AGMO: variants seen among roughly 807,000 people sequenced by gnomAD.
AGMO encodes glyceryl-ether monooxygenase.
A neutral mutation model predicts 60.2 loss-of-function variants in AGMO; 75 were observed. The ratio of observed to expected loss-of-function variants is 1.25; its 90% CI spans 1.03 to 1.51. The LOEUF (loss-of-function observed/expected upper bound fraction) is 1.51. Among genes scored for constraint, AGMO ranks in the 40% most tolerant of loss-of-function variants. AGMO has a pLI of 0.00. For synonymous variants in AGMO, 261 were observed against 177.1 expected (o/e 1.47, Z -3.76); for missense variants, 763 against 525.5 (o/e 1.45, Z -4.42).
chr7:15,387,626 T>C (rs1783970984), intron 8 of AGMO, 86 bp from the exon 9 acceptor site: 1 of 1,246,430 alleles, frequency 8.0e-7, no homozygotes, highest in Non-Finnish European at 1.1e-6. Context: ...ATTTTATTGT[T>C]CAAGGTAATT....
intron 12 of AGMO, 22 bp downstream of exon 12, chr7:15,365,492 G>T (rs375925676): frequency 6.5e-7 from 1 of 1,542,878 alleles, no homozygotes; most frequent in Non-Finnish European, 8.9e-7. Context: ...CCATCCTGTG[G>T]CTACCTAAAC....
chr7:15,371,083 C>T (rs1434980281), intron 10 of AGMO, among the ~76,000 whole-genome samples: 1 of 152,054 alleles, frequency 6.6e-6, no homozygotes, highest in Non-Finnish European at 1.5e-5. Flanking sequence ...TGAAACCAGA[C>T]CCCTACCTTT....
intron 12 of AGMO, among the ~76,000 whole-genome samples, chr7:15,283,132 C>T (rs1027635574): frequency 7.9e-5 from 12 of 152,098 alleles, no homozygotes; most frequent in African/African-American, 2.9e-4. Flanking sequence ...CATAATAGAA[C>T]CTCTTAAAAG....
chr7:15,557,056 A>T (rs752886845), intron 2 of AGMO, among the ~76,000 whole-genome samples: 2 of 152,012 alleles, frequency 1.3e-5, no homozygotes, highest in Non-Finnish European at 2.9e-5. Flanking sequence ...AAGAGGCAGC[A>T]TGTGTCTTTT....
chr7:15,474,135 T>G (rs750814835), intron 3 of AGMO, among the ~76,000 whole-genome samples: 2 of 152,080 alleles, frequency 1.3e-5, no homozygotes, highest in African/African-American at 2.4e-5. Context: ...CCAAAGTAAT[T>G]TACAGATTCA....
chr7:15,546,051 A>G (rs1784773943), intron 2 of AGMO, among the ~76,000 whole-genome samples: 1 of 152,124 alleles, frequency 6.6e-6, no homozygotes. Context: ...TTCCCTTCAC[A>G]GAGTCAGTTT....
At chr7:15,249,025 T>A (rs1298521131) in intron 12 of AGMO, among the ~76,000 whole-genome samples, 2 of 152,192 alleles carry the variant, frequency 1.3e-5, no homozygotes, top group East Asian at 3.8e-4. Flanking sequence ...CTTTCCAATA[T>A]TTAAAGACAC....
chr7:15,245,266 C>T (rs1211088818), intron 12 of AGMO, among the ~76,000 whole-genome samples: 2 of 152,118 alleles, frequency 1.3e-5, no homozygotes, highest in East Asian at 1.9e-4. Context: ...TTCCCAATGT[C>T]GTCATCACTA....
intron 12 of AGMO, among the ~76,000 whole-genome samples, chr7:15,314,002 T>C (rs979863335): frequency 1.3e-5 from 2 of 151,956 alleles, no homozygotes; most frequent in African/African-American, 4.8e-5. Flanking sequence ...GTTAGGCTAA[T>C]ATTGAACTTC....
intron 12 of AGMO, among the ~76,000 whole-genome samples, chr7:15,205,111 A>C (rs1054423450): frequency 6.6e-6 from 1 of 152,196 alleles, no homozygotes; most frequent in Non-Finnish European, 1.5e-5. Context: ...CAAACCCTCA[A>C]ATTACAAAGA....
At chr7:15,228,641 A>T (rs1004435876) in intron 12 of AGMO, among the ~76,000 whole-genome samples, 6 of 152,220 alleles carry the variant, frequency 3.9e-5, no homozygotes, top group African/African-American at 1.4e-4. Context: ...TAACTAAAGT[A>T]AAATAAGTAA....
At chr7:15,323,627 G>A (rs774434709) in intron 12 of AGMO, among the ~76,000 whole-genome samples, 8 of 152,088 alleles carry the variant, frequency 5.3e-5, no homozygotes, top group Non-Finnish European at 7.4e-5. Flanking sequence ...AAAATAACGC[G>A]CTGATTCTCA....
chr7:15,214,822 T>C (rs1781688655), intron 12 of AGMO, among the ~76,000 whole-genome samples: 2 of 152,038 alleles, frequency 1.3e-5, no homozygotes, highest in Admixed American at 6.6e-5. Flanking sequence ...AATGCACAAA[T>C]GATGTCATTC....
chr7:15,315,245 T>C (rs1217913628), intron 12 of AGMO, among the ~76,000 whole-genome samples: 2 of 145,724 alleles, frequency 1.4e-5, no homozygotes, highest in African/African-American at 5.1e-5. Context: ...ATGGAAGTAA[T>C]AGAAAACTAA....
At chr7:15,188,655 G>C in the AGMO span, among the ~76,000 whole-genome samples, 1 of 152,150 alleles carries the variant, frequency 6.6e-6, no homozygotes. Context: ...CCTGAGCACT[G>C]AAAGGATTAG....
chr7:15,545,710 T>G (rs541637361), intron 2 of AGMO, among the ~76,000 whole-genome samples: 15 of 152,232 alleles, frequency 9.9e-5, no homozygotes, highest in African/African-American at 3.6e-4. Context: ...CCACAAATTT[T>G]CAGTAACTTT....
chr7:15,411,772 C>T (rs1780616510), intron 5 of AGMO, among the ~76,000 whole-genome samples: 1 of 151,930 alleles, frequency 6.6e-6, no homozygotes, highest in South Asian at 2.1e-4. Context: ...ACAATCATTA[C>T]TTAAAATACA....
At chr7:15,223,520 A>G (rs1254432695) in intron 12 of AGMO, among the ~76,000 whole-genome samples, 1 of 152,030 alleles carries the variant, frequency 6.6e-6, no homozygotes, top group Non-Finnish European at 1.5e-5. Flanking sequence ...AATGTAAAGA[A>G]CAGACACATT....
the AGMO span, among the ~76,000 whole-genome samples, chr7:15,129,125 A>G: frequency 6.6e-6 from 1 of 152,052 alleles, no homozygotes; most frequent in African/African-American, 2.4e-5. Context: ...GGGGGAAAGG[A>G]CAGGTGAGCT....
Sources: allele counts gnomAD v4.1 joint callset (sites outside exome capture counted in the v4.1 genomes callset), GRCh38; gene constraint gnomAD v4.1.1; transcripts MANE v1.5; gene names NCBI Gene and HGNC (gene_info 2026-07-23, HGNC 2026-07-21).